Variants in SCFD2 observed in about 807,000 individuals in gnomAD.
SCFD2 encodes the protein sec1 family domain containing 2, also known as sec1 family domain-containing protein 2.
SCFD2 carries 54 observed loss-of-function variants against 58.9 expected under a neutral mutation model. The observed-to-expected ratio is 0.92, with a 90% CI of 0.74 to 1.15. The LOEUF is 1.15. Among genes scored for constraint, SCFD2 ranks in the 50% most tolerant of loss-of-function variants. SCFD2 has a pLI of 0.00. For missense variants in SCFD2, 805 were observed against 836.6 expected (o/e 0.96, Z 0.47); for synonymous variants, 321 against 335.9 (o/e 0.96, Z 0.49).
At chr4:53,349,022 A>G (rs1013533674) in intron 2 of SCFD2, among the ~76,000 whole-genome samples, 4 of 152,148 alleles carry the variant, frequency 2.6e-5, no homozygotes, top group Non-Finnish European at 4.4e-5. Context: ...ATGGCACTCA[A>G]AGCTCATAAT....
At chr4:53,204,101 A>T (rs1241511826) in intron 4 of SCFD2, among the ~76,000 whole-genome samples, 1 of 152,052 alleles carries the variant, frequency 6.6e-6, no homozygotes, top group African/African-American at 2.4e-5. Flanking sequence ...TCTAATACTG[A>T]TTCTGATGGC....
intron 4 of SCFD2, among the ~76,000 whole-genome samples, chr4:53,219,338 G>A (rs780637734): frequency 3.6e-4 from 55 of 152,316 alleles, no homozygotes; most frequent in Non-Finnish European, 7.5e-4. Flanking sequence ...CAGCAATGGC[G>A]GGCGCCCCTC....
chr4:52,940,896 C>T (rs974671811), intron 5 of SCFD2, among the ~76,000 whole-genome samples: 10 of 152,108 alleles, frequency 6.6e-5, no homozygotes, highest in Admixed American at 4.6e-4. Flanking sequence ...CCCTTGGGCA[C>T]GCTCTTTCCA....
intron 3 of SCFD2, among the ~76,000 whole-genome samples, chr4:53,286,249 G>T (rs1731665547): frequency 6.6e-6 from 1 of 152,220 alleles, no homozygotes; most frequent in South Asian, 2.1e-4. Flanking sequence ...CTGCACTCCT[G>T]GCACCTGAGC....
At chr4:53,225,618 T>C (rs1436334760) in intron 4 of SCFD2, among the ~76,000 whole-genome samples, 2 of 152,262 alleles carry the variant, frequency 1.3e-5, no homozygotes, top group African/African-American at 2.4e-5. Context: ...GTGTTTTCTA[T>C]GTTATTGCCA....
At position 53,273,633 on chromosome 4, in the gene SCFD2, T is replaced by A. The variant is rs1274145487; in HGVS notation, c.1311+193A>T. 4.5e-5 allele frequency: 22 copies of A among 488,466 alleles called. No individual in the cohort carries two copies. In the East Asian group the frequency reaches 7.1e-4, roughly 16 times the overall value. The allele number at this position is 488,466 out of a possible 1,614,324, so 30.3% of individuals were successfully genotyped here. On this transcript the variant is annotated intron_variant, in intron 4 of 8. Transcript: ENST00000401642. Reference sequence around the variant, plus strand: ...AAATGAGAAGCCAAAGATGTTACTGTCAAAATTTTTTTTTAAACAGGTGTG... The same window carrying A: ...AAATGAGAAGCCAAAGATGTTACTGACAAAATTTTTTTTTAAACAGGTGTG...
At chr4:53,348,766 G>A (rs1424605215) in intron 2 of SCFD2, among the ~76,000 whole-genome samples, 2 of 150,464 alleles carry the variant, frequency 1.3e-5, no homozygotes, top group Non-Finnish European at 2.9e-5. Context: ...CCAGGCTGGA[G>A]TGCCATGGCC....
At chr4:53,268,796 G>A (rs575123197) in intron 4 of SCFD2, among the ~76,000 whole-genome samples, 1 of 152,160 alleles carries the variant, frequency 6.6e-6, no homozygotes. Flanking sequence ...GAGAACATCC[G>A]TGTGGGCTTG....
intron 7 of SCFD2, among the ~76,000 whole-genome samples, chr4:52,903,331 C>A (rs1356977213): frequency 6.6e-6 from 1 of 152,140 alleles, no homozygotes; most frequent in East Asian, 1.9e-4. Context: ...GAAATAATGA[C>A]CAGCTTTGCC....
At chr4:53,126,055 C>T (rs1020880694) in intron 5 of SCFD2, among the ~76,000 whole-genome samples, 9 of 152,118 alleles carry the variant, frequency 5.9e-5, no homozygotes, top group African/African-American at 2.2e-4. Context: ...CAAGGGAAAA[C>T]CAGAGAGTTG....
intron 5 of SCFD2, among the ~76,000 whole-genome samples, chr4:53,086,711 T>A (rs1724315361): frequency 6.6e-6 from 1 of 152,156 alleles, no homozygotes; most frequent in African/African-American, 2.4e-5. Flanking sequence ...TAAAAAAGAA[T>A]GAGATTCTGT....
intron 4 of SCFD2, among the ~76,000 whole-genome samples, chr4:53,262,023 A>T (rs1266267955): frequency 7.9e-5 from 12 of 151,856 alleles, no homozygotes; most frequent in Non-Finnish European, 1.8e-4. Flanking sequence ...CTCTTTTTTT[A>T]ACTGCTGTTG....
chr4:53,034,594 T>A (rs1722709092), intron 5 of SCFD2, among the ~76,000 whole-genome samples: 1 of 152,150 alleles, frequency 6.6e-6, no homozygotes, highest in African/African-American at 2.4e-5. Context: ...CAGTCCAAGA[T>A]CTCCTTAAGT....
intron 4 of SCFD2, among the ~76,000 whole-genome samples, chr4:53,239,338 T>C (rs993984847): frequency 2.7e-5 from 4 of 145,750 alleles, no homozygotes; most frequent in Non-Finnish European, 6.0e-5. Flanking sequence ...AGGGAGACCG[T>C]GGAAAGAGAG....
chr4:53,016,001 G>C (rs1328144829), intron 5 of SCFD2, among the ~76,000 whole-genome samples: 1 of 152,206 alleles, frequency 6.6e-6, no homozygotes, highest in Non-Finnish European at 1.5e-5. Flanking sequence ...ATTTGTGGAA[G>C]AAGAATTAAA....
intron 5 of SCFD2, among the ~76,000 whole-genome samples, chr4:52,986,693 G>A (rs986029779): frequency 1.3e-5 from 2 of 151,790 alleles, no homozygotes; most frequent in African/African-American, 4.8e-5. Flanking sequence ...TGGAGATGAG[G>A]TTTCACCATG....
intron 5 of SCFD2, among the ~76,000 whole-genome samples, chr4:52,994,777 T>C (rs1433623428): frequency 6.6e-6 from 1 of 152,114 alleles, no homozygotes; most frequent in African/African-American, 2.4e-5. Flanking sequence ...CATTCCCTCA[T>C]TAACAACAGG....
intron 3 of SCFD2, among the ~76,000 whole-genome samples, chr4:53,301,838 C>T (rs146622674): frequency 0.095 from 14,386 of 151,962 alleles, 1,010 homozygotes; most frequent in African/African-American, 0.18. Context: ...TAAACAGAAC[C>T]AAAGACAAAA....
intron 1 of SCFD2, among the ~76,000 whole-genome samples, chr4:53,363,065 A>G (rs1734590128): frequency 6.6e-6 from 1 of 152,214 alleles, no homozygotes; most frequent in Admixed American, 6.5e-5. Context: ...GGGAGAATCT[A>G]TAAAATGATT....
Sources: allele counts gnomAD v4.1 joint callset (sites outside exome capture counted in the v4.1 genomes callset), GRCh38; gene constraint gnomAD v4.1.1; transcripts MANE v1.5; gene names NCBI Gene and HGNC (gene_info 2026-07-23, HGNC 2026-07-21).